Variants in NEDD1 observed in about 807,000 individuals in gnomAD.
NEDD1 encodes the protein NEDD1 gamma-tubulin ring complex targeting factor.
A neutral mutation model predicts 74.0 loss-of-function variants in NEDD1; 33 were observed. The ratio of observed to expected loss-of-function variants is 0.45; its 90% CI spans 0.34 to 0.60. The LOEUF is 0.60. Among genes scored for constraint, NEDD1 ranks in the 20% least tolerant of loss-of-function variants. The probability of loss-of-function intolerance (pLI) is 0.01; values close to 1 mark genes in which losing one functional copy is unlikely to be tolerated. For missense variants in NEDD1, 746 were observed against 776.5 expected, an observed-to-expected ratio of 0.96 and a Z score of 0.47; for synonymous variants, 250 against 264.4, an observed-to-expected ratio of 0.95 and a Z score of 0.53.
chr12:96,911,143 TA>T (rs1395874193), intron 3 of NEDD1, among the ~76,000 whole-genome samples: 1 of 152,242 alleles, frequency 6.6e-6, no homozygotes, highest in Non-Finnish European at 1.5e-5. Flanking sequence ...GAAAATATTT[TA>T]AAGAGAGCGA....
intron 10 of NEDD1, among the ~76,000 whole-genome samples, chr12:96,942,067 A>G (rs1329728624): frequency 1.3e-5 from 2 of 152,168 alleles, no homozygotes; most frequent in East Asian, 1.9e-4. Context: ...ACAGGATTAA[A>G]ATAATCTTAT....
rs1228213474 is a variant in NEDD1 at position 96,953,473 on chromosome 12, G to T, written c.*1420G>T. 2 of 151,622 alleles carry T rather than the reference G, an allele frequency of 1.3e-5. No homozygotes were observed. Among genetic ancestry groups the T allele is most frequent in the Non-Finnish European group, 3.0e-5 (2 of 67,748 alleles). 9.4% of individuals were successfully genotyped at this position (151,622 alleles called of 1,614,324 possible). A position where few individuals can be genotyped will look rare whatever the true frequency, so the allele number is the denominator to read the frequency against. ...AAGTTTCCTTGTATATCACTAACAG[G>T]TTTAGAAGACATAAATATTAGTGTG... On this transcript the variant is annotated 3_prime_UTR_variant, in exon 16 of 16. Transcript: ENST00000266742.
rs529131095 is a variant in NEDD1 at position 96,940,601 on chromosome 12, A to G, written c.1246+64A>G. The stretch of plus-strand genomic sequence containing the variant: ...TTAATATTTTTATTCTGGCTAAAAG[A>G]TGTGAATAATAGCTTCAGTCCAACT... On this transcript the variant is annotated intron_variant, in intron 10 of 15. Coordinates refer to ENST00000266742, the MANE Select transcript of NEDD1 (RefSeq NM_152905.4). 1.9e-5 allele frequency: 22 copies of G among 1,170,142 alleles called. No homozygotes were observed. The African/African-American group carries it at 2.0e-4, about 11-fold the overall frequency. The allele number at this position is 1,170,142 out of a possible 1,614,324, so 72.5% of individuals were successfully genotyped here.
intron 14 of NEDD1, among the ~76,000 whole-genome samples, chr12:96,950,810 T>G (rs1181924538): frequency 6.6e-6 from 1 of 151,900 alleles, no homozygotes; most frequent in Non-Finnish European, 1.5e-5. Flanking sequence ...ATGTTCTAGT[T>G]CATAAGTTGT....
Position 96,952,069 on chromosome 12 carries a change from C to G in NEDD1, c.*16C>G. ...CCACTTTTGAAATTTCAGTGAATAC[C>G]TTAATGTTCTGTAATTTGGGAAGTT... On this transcript the variant is annotated 3_prime_UTR_variant, in exon 16 of 16. Coordinates refer to ENST00000266742, the MANE Select transcript of NEDD1 (RefSeq NM_152905.4). 1.5e-6 allele frequency: 2 copies of G among 1,320,172 alleles called. No homozygotes were observed. The highest frequency in any genetic ancestry group is 2.2e-6 in the Non-Finnish European group (2 of 916,168). The allele number at this position is 1,320,172 out of a possible 1,614,324, so 81.8% of individuals were successfully genotyped here.
At chr12:96,931,928 A>G (rs1048568477) in intron 6 of NEDD1, among the ~76,000 whole-genome samples, 2 of 152,138 alleles carry the variant, frequency 1.3e-5, no homozygotes, top group Non-Finnish European at 2.9e-5. Context: ...CTATTAAATA[A>G]TTATCTTAGT....
chr12:96,950,041 G>C (rs780141330), intron 14 of NEDD1, among the ~76,000 whole-genome samples: 18 of 151,982 alleles, frequency 1.2e-4, no homozygotes, highest in Non-Finnish European at 5.9e-5. Context: ...CAATATCACA[G>C]AGTGAAGGGA....
intron 6 of NEDD1, among the ~76,000 whole-genome samples, chr12:96,923,256 C>A (rs1307191895): frequency 6.6e-6 from 1 of 152,172 alleles, no homozygotes; most frequent in Non-Finnish European, 1.5e-5. Flanking sequence ...CACCATTTAT[C>A]CATTCTTTTG....
At chr12:96,908,819 CTG>C (rs1323909054) in intron 2 of NEDD1, among the ~76,000 whole-genome samples, 1 of 152,116 alleles carries the variant, frequency 6.6e-6, no homozygotes, top group Non-Finnish European at 1.5e-5. Flanking sequence ...TGTGAAACTG[CTG>C]TGTGCCAGGA....
At chr12:96,910,554 A>G (rs1873813550) in intron 3 of NEDD1, among the ~76,000 whole-genome samples, 1 of 152,220 alleles carries the variant, frequency 6.6e-6, no homozygotes, top group Non-Finnish European at 1.5e-5. Context: ...TGAAGACTGT[A>G]AACTAGGGTT....
chr12:96,912,713 C>A lies in NEDD1; in HGVS notation c.137-10C>A. 7.3e-7 allele frequency: 1 copy of A among 1,376,826 alleles called. No individual in the cohort carries two copies. The highest frequency in any genetic ancestry group is 1.0e-6 in the Non-Finnish European group (1 of 966,744). 85.3% of individuals were successfully genotyped at this position (1,376,826 alleles called of 1,614,324 possible). On this transcript the variant is annotated splice_polypyrimidine_tract_variant and intron_variant, in intron 3 of 15. Transcript: ENST00000266742. ...ATGGATTGTTTGATGCTCCATAACT[C>A]CTCATTTAGATAACTTTTTAGTAAC...
At chr12:96,951,316 A>G in intron 14 of NEDD1, 116 bp from the exon 15 acceptor site, 1 of 544,448 alleles carries the variant, frequency 1.8e-6, no homozygotes, top group Non-Finnish European at 3.3e-6. Flanking sequence ...TTTTATTATT[A>G]TAGTAATTAT....
rs754183609 is a variant in NEDD1 at position 96,907,629 on chromosome 12, G to T, written c.-236G>T. The T allele has an allele frequency of 5.8e-6, 9 of 1,551,190 alleles. No individual in the cohort carries two copies. The highest frequency in any genetic ancestry group is 1.7e-4 in the Middle Eastern group (1 of 5,992). On this transcript the variant is annotated 5_prime_UTR_variant, in exon 2 of 16. An upstream open reading frame in the 5' UTR loses its in-frame stop. Transcript: ENST00000266742. ...GTACTTGGATGCATTTTACAGGTTAGCCTCACTTGAGCTGTTGTCCTGCAA... is the reference window on the plus strand; with the variant it reads ...GTACTTGGATGCATTTTACAGGTTATCCTCACTTGAGCTGTTGTCCTGCAA...
chr12:96,942,073 C>A (rs1192097088), intron 10 of NEDD1, among the ~76,000 whole-genome samples: 1 of 152,086 alleles, frequency 6.6e-6, no homozygotes, highest in Non-Finnish European at 1.5e-5. Context: ...TTAAAATAAT[C>A]TTATACATAT....
At chr12:96,922,606 C>T (rs149829081) in intron 6 of NEDD1, among the ~76,000 whole-genome samples, 82 of 152,148 alleles carry the variant, frequency 5.4e-4, no homozygotes, top group South Asian at 2.7e-3. Flanking sequence ...TACCTTTTGG[C>T]CTAATTTTGT....
In NEDD1 at chr12:96,952,109, A is replaced by G; in HGVS notation, c.*56A>G. ...TTTGGGAAGTTTCTGGCAACACAGA[A>G]CTACATAGAATCAGTATTGTTTTCA... On this transcript the variant is annotated 3_prime_UTR_variant, in exon 16 of 16. Transcript: ENST00000266742. 3 of 915,542 alleles carry G rather than the reference A, an allele frequency of 3.3e-6. No homozygotes were observed. The highest frequency in any genetic ancestry group is 5.4e-6 in the Non-Finnish European group (3 of 555,932). The allele number at this position is 915,542 out of a possible 1,614,324, so 56.7% of individuals were successfully genotyped here.
Position 96,943,742 on chromosome 12 carries a change from T to C in NEDD1, c.1477T>C (p.Ser493Pro). Residue 493 changes from serine to proline, a missense_variant, in exon 12 of 16, where the codon TCT becomes CCT. Physicochemically the swap from Ser to Pro is moderately conservative, Grantham distance 74. Transcript: ENST00000266742. The stretch of plus-strand genomic sequence containing the variant: ...GAAAATATATATGGGAAAACAGGAA[T>C]CTAAAGACTCCTTCAAACAGGTATT... ...SKKIYMGKQESKDSFKQLAKL... is the reference protein window; with the variant it reads ...SKKIYMGKQEPKDSFKQLAKL... The C allele has an allele frequency of 6.2e-7, 1 of 1,608,524 alleles. No homozygotes were observed. Among genetic ancestry groups the C allele is most frequent in the Non-Finnish European group, 8.5e-7 (1 of 1,175,696 alleles).
intron 6 of NEDD1, among the ~76,000 whole-genome samples, chr12:96,922,044 G>A (rs142503770): frequency 6.6e-6 from 1 of 152,158 alleles, no homozygotes; most frequent in Admixed American, 6.5e-5. Flanking sequence ...TAGTATTGAT[G>A]TAAGACTGAA....
chr12:96,924,506 A>G (rs2136542509), intron 6 of NEDD1, among the ~76,000 whole-genome samples: 1 of 152,306 alleles, frequency 6.6e-6, no homozygotes, highest in Middle Eastern at 3.4e-3. Context: ...TTTTTACTGT[A>G]GAGGGCTTGC....
Sources: allele counts gnomAD v4.1 joint callset (sites outside exome capture counted in the v4.1 genomes callset), GRCh38; gene constraint gnomAD v4.1.1; transcripts MANE v1.5; gene names NCBI Gene and HGNC (gene_info 2026-07-23, HGNC 2026-07-21).